The following IQCE variants were observed in gnomAD, a reference collection of about 807,000 sequenced individuals.
IQCE encodes the protein IQ motif containing E.
A neutral mutation model predicts 96.0 loss-of-function variants in IQCE; 115 were observed. The observed-to-expected ratio is 1.20, with a 90% CI of 1.03 to 1.40. The LOEUF (loss-of-function observed/expected upper bound fraction) is 1.40. IQCE is among the 40% of genes most tolerant of loss of function. The probability of loss-of-function intolerance (pLI) is 0.00; values close to 1 mark genes in which losing one functional copy is unlikely to be tolerated. For synonymous variants in IQCE, 412 were observed against 371.2 expected (o/e 1.11, Z -1.26); for missense variants, 1,041 against 909.1 (o/e 1.15, Z -1.87).
chr7:2,575,642 C>T (rs1782066274), intron 6 of IQCE, among the ~76,000 whole-genome samples: 1 of 152,176 alleles, frequency 6.6e-6, no homozygotes, highest in South Asian at 2.1e-4. Flanking sequence ...CCGTGGTCTG[C>T]CTGGGGTAGA....
intron 6 of IQCE, 139 bp downstream of exon 6, chr7:2,573,627 G>A (rs1315724880): frequency 2.0e-5 from 11 of 547,060 alleles, no homozygotes; most frequent in South Asian, 4.8e-5. Context: ...AGTTTGAGCC[G>A]TGGCGTAGTG....
At chr7:2,605,837 T>C (rs1172689981) in intron 19 of IQCE, 39 bp from the exon 20 acceptor site, 6 of 1,503,826 alleles carry the variant, frequency 4.0e-6, no homozygotes, top group Non-Finnish European at 5.4e-6. Flanking sequence ...AGCAGGGGGC[T>C]GCCAAACAGT....
chr7:2,603,084 C>T (rs1784544949), intron 18 of IQCE, among the ~76,000 whole-genome samples: 1 of 152,206 alleles, frequency 6.6e-6, no homozygotes, highest in African/African-American at 2.4e-5. Context: ...TGTCCATACC[C>T]ATCTCACACA....
chr7:2,606,851 G>A (rs541692312), intron 20 of IQCE, among the ~76,000 whole-genome samples: 17 of 152,278 alleles, frequency 1.1e-4, no homozygotes, highest in Admixed American at 3.3e-4. Flanking sequence ...GAACGGAGCC[G>A]TCTGAGGCCA....
At chr7:2,599,581 C>T (rs771138974) in intron 17 of IQCE, among the ~76,000 whole-genome samples, 2 of 151,950 alleles carry the variant, frequency 1.3e-5, no homozygotes, top group Non-Finnish European at 1.5e-5. Flanking sequence ...ACTGCAGCCT[C>T]GACCTCCCAG....
intron 16 of IQCE, chr7:2,598,120 C>T (rs1044266193): frequency 4.5e-6 from 1 of 224,162 alleles, no homozygotes; most frequent in African/African-American, 2.3e-5. Context: ...GAAAAACAGA[C>T]AATTCTTGCA....
chr7:2,586,476 G>A (rs372229055), intron 12 of IQCE, 105 bp downstream of exon 12: 4 of 1,271,380 alleles, frequency 3.1e-6, no homozygotes, highest in South Asian at 1.5e-5. Context: ...CACGAGGGCA[G>A]ATGTGAACCC....
intron 6 of IQCE, among the ~76,000 whole-genome samples, chr7:2,575,845 C>T (rs1330237500): frequency 6.6e-6 from 1 of 152,122 alleles, no homozygotes; most frequent in Non-Finnish European, 1.5e-5. Flanking sequence ...CGATCGCTGG[C>T]CCCCCGGCTC....
At chr7:2,607,866 G>A (rs4721880) in intron 21 of IQCE, among the ~76,000 whole-genome samples, 78,797 of 152,146 alleles carry the variant, frequency 0.52, 21,071 homozygotes, top group Non-Finnish European at 0.58. Flanking sequence ...GCGGAGGCAC[G>A]CTGTTGAGAC....
Position 2,571,623 on chromosome 7 carries a change from G to T in IQCE, c.228G>T (p.Pro76=), listed in dbSNP as rs377123413. 1.4e-4 allele frequency: 224 copies of T among 1,600,790 alleles called. No individual in the cohort carries two copies. The African/African-American group carries it at 2.9e-3, about 21-fold the overall frequency. The change falls in exon 4 of 22, where the codon CCG becomes CCT. Residue 76 remains proline (P), a synonymous_variant. Coordinates refer to ENST00000402050, the MANE Select transcript of IQCE (RefSeq NM_152558.5). Reference sequence around the variant, plus strand: ...TGGGCGGCCGAGCGTCCCTGACCCCGCAGAAGCTGTGGCTGGGAACCGCAA... The same window carrying T: ...TGGGCGGCCGAGCGTCCCTGACCCCTCAGAAGCTGTGGCTGGGAACCGCAA... ...MPLGGRASLT[P]QKLWLGTAKP... is the part of the protein sequence containing the mutation.
intron 6 of IQCE, among the ~76,000 whole-genome samples, chr7:2,575,364 C>A (rs920201662): frequency 6.6e-6 from 1 of 152,260 alleles, no homozygotes; most frequent in African/African-American, 2.4e-5. Context: ...AGGCCCCTCA[C>A]TCAGCCTCTG....
At position 2,612,521 on chromosome 7, in the gene IQCE, A is replaced by T. The variant is rs1198476759; in HGVS notation, c.*2359A>T. 1 of 148,378 alleles carries T rather than the reference A, an allele frequency of 6.7e-6. No individual in the cohort carries two copies. The highest frequency in any genetic ancestry group is 1.5e-5 in the Non-Finnish European group (1 of 67,308). 9.2% of individuals were successfully genotyped at this position (148,378 alleles called of 1,614,324 possible). A position where few individuals can be genotyped will look rare whatever the true frequency, so the allele number is the denominator to read the frequency against. ...TTAGGCAGGAGGGGAAGAGAAGCCC[A>T]TGGAGCCATGGGAGGGGTGAGCTGT... On this transcript the variant is annotated 3_prime_UTR_variant, in exon 22 of 22. Coordinates refer to ENST00000402050, the MANE Select transcript of IQCE (RefSeq NM_152558.5).
At position 2,605,297 on chromosome 7, in the gene IQCE, C is replaced by G. The variant is rs187290614; in HGVS notation, c.1743+306C>G. ...GATGCAGGCCATTGCGGCCCCTCCT[C>G]TGTATTGAGGACCAGGTTTTTGTTT... On this transcript the variant is annotated intron_variant, in intron 19 of 21. Transcript: ENST00000402050. Among the ~76,000 whole-genome samples the G allele has an allele frequency of 4.4e-3, 677 of 152,344 alleles. 2 individuals are homozygous for G. Among genetic ancestry groups the G allele is most frequent in the Non-Finnish European group, 7.9e-3 (536 of 68,030 alleles).
At chr7:2,598,776 C>A in intron 17 of IQCE, 144 bp downstream of exon 17, 2 of 638,222 alleles carry the variant, frequency 3.1e-6, no homozygotes, top group Non-Finnish European at 4.7e-6. Flanking sequence ...AAAATGAAAA[C>A]CTCATTCACA....
At chr7:2,568,452 G>A (rs1032272428) in intron 2 of IQCE, among the ~76,000 whole-genome samples, 2 of 152,186 alleles carry the variant, frequency 1.3e-5, no homozygotes, top group Non-Finnish European at 2.9e-5. Flanking sequence ...ACCCCGTTCT[G>A]TGAGATCTGG....
Position 2,612,618 on chromosome 7 carries a change from AGGTG to A in IQCE, c.*2457_*2460del. 1.3e-5 allele frequency: 1 copy of A among 76,094 alleles called. No homozygotes were observed. The highest frequency in any genetic ancestry group is 2.6e-5 in the Non-Finnish European group (1 of 38,414). 4.7% of individuals were successfully genotyped at this position (76,094 alleles called of 1,614,324 possible). ...TGTGGGTGGGGCCTAGCCATGGGAG[AGGTG>A]AGCTGTGAATGGGGCTAGCTATGGG... is the stretch of plus-strand genomic sequence containing the variant. On this transcript the variant is annotated 3_prime_UTR_variant, in exon 22 of 22. Transcript: ENST00000402050.
At chr7:2,570,579 T>G (rs1305758340) in intron 3 of IQCE, among the ~76,000 whole-genome samples, 1 of 151,950 alleles carries the variant, frequency 6.6e-6, no homozygotes, top group Non-Finnish European at 1.5e-5. Flanking sequence ...CGGGAAAAAC[T>G]TAGAAACTTA....
intron 18 of IQCE, among the ~76,000 whole-genome samples, chr7:2,602,139 C>T (rs1784475893): frequency 6.6e-6 from 1 of 152,162 alleles, no homozygotes; most frequent in Non-Finnish European, 1.5e-5. Context: ...CCAGGAGGTC[C>T]CTGCGAGGGG....
At chr7:2,600,816 T>C (rs1246459229) in intron 17 of IQCE, among the ~76,000 whole-genome samples, 1 of 152,176 alleles carries the variant, frequency 6.6e-6, no homozygotes, top group South Asian at 2.1e-4. Context: ...TTGATTAACT[T>C]GGCATCAACA....
Sources: allele counts gnomAD v4.1 joint callset (sites outside exome capture counted in the v4.1 genomes callset), GRCh38; gene constraint gnomAD v4.1.1; transcripts MANE v1.5; gene names NCBI Gene and HGNC (gene_info 2026-07-23, HGNC 2026-07-21).